The following SMARCA2 variants were observed in gnomAD, a reference collection of about 807,000 sequenced individuals.
SMARCA2 encodes SWI/SNF-related matrix-associated actin-dependent regulator of chromatin subfamily A member 2.
SMARCA2 carries 61 observed loss-of-function variants against 199.8 expected under a neutral mutation model. That is an observed-to-expected ratio of 0.31 (90% CI 0.25 to 0.38). The LOEUF is 0.38. Ranked by LOEUF, SMARCA2 falls within the 10% of genes least tolerant of loss-of-function variation. SMARCA2 has a pLI of 1.00. For missense variants in SMARCA2, 1,344 were observed against 2,012.2 expected (o/e 0.67, Z 6.35); for synonymous variants, 935 against 732.0 (o/e 1.28, Z -4.48).
chr9:2,049,251 A>T (rs1478368372), intron 5 of SMARCA2, among the ~76,000 whole-genome samples: 2 of 152,168 alleles, frequency 1.3e-5, no homozygotes, highest in Non-Finnish European at 2.9e-5. Context: ...TAACTCCTAA[A>T]TGTTCTTAAT....
Position 2,039,770 on chromosome 9 carries a change from GCAGCAA to G in SMARCA2, c.666_671del (p.Gln237_Gln238del), listed in dbSNP as rs1298266272. ...TGCCTGGCTTGCAGCAACAACAGCA[GCAGCAA>G]CAGCAGCAGCAGCAGCAGCAGCAGC... On this transcript the variant is annotated inframe_deletion, in exon 4 of 34. Transcript: ENST00000349721. This position sits in a 1 kb window ranked among gnomAD's most constrained non-coding sequence, Gnocchi z 4.8. The G allele has an allele frequency of 6.2e-7, 1 of 1,605,336 alleles. No individual in the cohort carries two copies. Among genetic ancestry groups the G allele is most frequent in the Non-Finnish European group, 8.5e-7 (1 of 1,177,260 alleles).
At chr9:2,021,695 G>C (rs1177622538) in intron 1 of SMARCA2, among the ~76,000 whole-genome samples, 2 of 152,150 alleles carry the variant, frequency 1.3e-5, no homozygotes, top group African/African-American at 2.4e-5. Flanking sequence ...CCAAAATTCT[G>C]TAAAAAATAG....
chr9:2,038,210 C>T (rs781662818), intron 3 of SMARCA2, among the ~76,000 whole-genome samples: 1 of 152,108 alleles, frequency 6.6e-6, no homozygotes, highest in Non-Finnish European at 1.5e-5. Flanking sequence ...ATTAAAGCTC[C>T]CAAAAGTTAA....
intron 27 of SMARCA2, chr9:2,159,422 CATTT>C (rs1825549478): frequency 4.9e-6 from 1 of 205,958 alleles, no homozygotes; most frequent in Non-Finnish European, 9.8e-6. Flanking sequence ...TTTTAAAAAT[CATTT>C]AGACTGCTCC....
chr9:2,067,835 C>T (rs1820911147), intron 9 of SMARCA2, among the ~76,000 whole-genome samples: 1 of 152,168 alleles, frequency 6.6e-6, no homozygotes, highest in East Asian at 1.9e-4. Context: ...AAGGGCCTGA[C>T]TGTGAGGCAG....
intron 26 of SMARCA2, among the ~76,000 whole-genome samples, chr9:2,122,373 T>G (rs1355541886): frequency 6.6e-6 from 1 of 152,192 alleles, no homozygotes; most frequent in Non-Finnish European, 1.5e-5. Flanking sequence ...GGAGGTTGCC[T>G]CACGAAGCCC....
chr9:2,060,774 C>T (rs757144539), intron 8 of SMARCA2, 42 bp from the exon 9 acceptor site: 53 of 1,593,140 alleles, frequency 3.3e-5, no homozygotes, highest in South Asian at 2.7e-4. Context: ...GTTGTCTGCA[C>T]GCTTATATTA....
chr9:2,124,593 GATCTGTCC>G (rs1394059507), intron 27 of SMARCA2, among the ~76,000 whole-genome samples: 1 of 152,170 alleles, frequency 6.6e-6, no homozygotes, highest in African/African-American at 2.4e-5. Context: ...CGCTTGATCT[GATCTGTCC>G]ATCACAAACA....
intron 9 of SMARCA2, among the ~76,000 whole-genome samples, chr9:2,068,472 G>A (rs1472558899): frequency 1.3e-5 from 2 of 152,090 alleles, no homozygotes; most frequent in Non-Finnish European, 2.9e-5. Flanking sequence ...AAATGTTGAT[G>A]GAACTGCCTT....
chr9:2,143,052 C>T (rs1824543737), intron 27 of SMARCA2, among the ~76,000 whole-genome samples: 1 of 152,024 alleles, frequency 6.6e-6, no homozygotes, highest in Non-Finnish European at 1.5e-5. Context: ...CTTATACAAG[C>T]AGAATTAAAC....
At position 2,169,282 on chromosome 9, in the gene SMARCA2, A is replaced by G. The variant is rs576868120; in HGVS notation, c.4200-1137A>G. ...CTCTTCCTGTCCTGGCTTCTTTCTG[A>G]GGCACCTAACTTGTCATTTCATATT... On this transcript the variant is annotated intron_variant, in intron 28 of 33. Transcript: ENST00000349721. The surrounding 1 kb of genome is among the most constrained non-coding windows in gnomAD (Gnocchi z 6.5). Among the ~76,000 whole-genome samples the G allele has an allele frequency of 1.3e-3, 191 of 152,202 alleles. No individual in the cohort carries two copies. Among genetic ancestry groups the G allele is most frequent in the African/African-American group, 4.3e-3 (178 of 41,520 alleles).
chr9:2,099,981 A>G (rs889567679), intron 21 of SMARCA2, among the ~76,000 whole-genome samples: 6 of 152,152 alleles, frequency 3.9e-5, no homozygotes, highest in African/African-American at 1.4e-4. Context: ...GCCACAGTCC[A>G]TCCTGTTAAT....
rs138538693 is a variant in SMARCA2, at chr9:2,040,174, G to A, written c.790+274G>A. Reference sequence around the variant, plus strand: ...TGTGATTTTGCGTTCTCTTTGAAGCGGTTCAAGGTTTCTTGGAAGCCCATC... The same window carrying A: ...TGTGATTTTGCGTTCTCTTTGAAGCAGTTCAAGGTTTCTTGGAAGCCCATC... On this transcript the variant is annotated intron_variant, in intron 4 of 33. Transcript: ENST00000349721. The A allele has an allele frequency of 4.1e-3, 2,640 of 645,352 alleles. 6 individuals carry two copies. The highest frequency in any genetic ancestry group is 5.4e-3 in the Non-Finnish European group (2,108 of 388,170). 40.0% of individuals were successfully genotyped at this position (645,352 alleles called of 1,614,324 possible).
intron 9 of SMARCA2, among the ~76,000 whole-genome samples, chr9:2,068,151 C>T (rs561379590): frequency 6.6e-6 from 1 of 152,298 alleles, no homozygotes; most frequent in South Asian, 2.1e-4. Flanking sequence ...AAAATGGAAC[C>T]TTCAGTGACT....
chr9:2,129,522 C>T (rs545632167), intron 27 of SMARCA2, among the ~76,000 whole-genome samples: 9 of 152,326 alleles, frequency 5.9e-5, no homozygotes, highest in Admixed American at 5.2e-4. Context: ...ATCAGTCCTC[C>T]AGCTCATCAG....
intron 14 of SMARCA2, among the ~76,000 whole-genome samples, chr9:2,078,760 C>G (rs1445984058): frequency 6.6e-6 from 1 of 151,816 alleles, no homozygotes; most frequent in East Asian, 2.0e-4. Flanking sequence ...CTTGCTAACA[C>G]AGTGAAACCC....
intron 1 of SMARCA2, among the ~76,000 whole-genome samples, chr9:2,026,897 A>G (rs910238556): frequency 6.6e-6 from 1 of 152,172 alleles, no homozygotes; most frequent in South Asian, 2.1e-4. Context: ...AAATAATAAC[A>G]TTGGGCTCTC....
chr9:2,091,635 A>G (rs1401700852), intron 19 of SMARCA2, among the ~76,000 whole-genome samples: 1 of 152,170 alleles, frequency 6.6e-6, no homozygotes, highest in East Asian at 1.9e-4. Flanking sequence ...TGACTGGTTG[A>G]TCGAATGGTC....
chr9:2,138,197 G>A (rs1198458095), intron 27 of SMARCA2, among the ~76,000 whole-genome samples: 1 of 151,716 alleles, frequency 6.6e-6, no homozygotes, highest in Admixed American at 6.6e-5. Context: ...AAAAAAAACA[G>A]ATAAATACAT....
Sources: allele counts gnomAD v4.1 joint callset (sites outside exome capture counted in the v4.1 genomes callset), GRCh38; gene constraint gnomAD v4.1.1; non-coding constraint Gnocchi (gnomAD v3.1); transcripts MANE v1.5; gene names NCBI Gene and HGNC (gene_info 2026-07-23, HGNC 2026-07-21).